The following CACNA1A variants were observed in gnomAD, a reference collection of about 807,000 sequenced individuals.
The protein encoded by CACNA1A is calcium voltage-gated channel subunit alpha1 A.
In CACNA1A, 57 loss-of-function variants were observed where a neutral mutation model predicts 262.4. That is an observed-to-expected ratio of 0.22 (90% confidence interval 0.18 to 0.27). The LOEUF is 0.27. Ranked by LOEUF, CACNA1A falls within the 10% of genes least tolerant of loss-of-function variation. CACNA1A has a pLI of 1.00. For synonymous variants in CACNA1A, 1,431 were observed against 1,419.3 expected, an observed-to-expected ratio of 1.01 and a Z score of -0.18; for missense variants, 2,526 against 3,562.8, an observed-to-expected ratio of 0.71 and a Z score of 7.41.
At chr19:13,277,233 G>A in intron 22 of CACNA1A, 105 bp from the exon 23 acceptor site, 3 of 755,554 alleles carry the variant, frequency 4.0e-6, no homozygotes, top group Non-Finnish European at 6.9e-6. Flanking sequence ...CTACCCAGAA[G>A]AGGAAACACA....
intron 37 of CACNA1A, 35 bp from the exon 38 acceptor site, chr19:13,224,807 AGGCATCCCTCCT>A (rs1208802209): frequency 6.6e-7 from 1 of 1,517,536 alleles, no homozygotes; most frequent in East Asian, 2.4e-5. Flanking sequence ...AGTCATTCCC[AGGCATCCCTCCT>A]GGGTCTCCCG....
intron 30 of CACNA1A, among the ~76,000 whole-genome samples, chr19:13,246,333 G>A (rs1019376227): frequency 7.2e-5 from 11 of 152,180 alleles, no homozygotes; most frequent in Admixed American, 6.5e-5. Flanking sequence ...GTGCAGTGAT[G>A]TGCTGTGTGT....
intron 30 of CACNA1A, among the ~76,000 whole-genome samples, chr19:13,247,866 A>G (rs990322459): frequency 1.3e-5 from 2 of 152,078 alleles, no homozygotes; most frequent in Admixed American, 1.3e-4. Flanking sequence ...TGGCTGCACA[A>G]GTGTTAGGGA....
chr19:13,456,424 G>A (rs2061007868), intron 1 of CACNA1A, among the ~76,000 whole-genome samples: 1 of 152,148 alleles, frequency 6.6e-6, no homozygotes, highest in Non-Finnish European at 1.5e-5. Flanking sequence ...TGTAATCCCA[G>A]AACTTTGGGA....
chr19:13,339,774 T>TA (rs200259831), intron 6 of CACNA1A, among the ~76,000 whole-genome samples: 5,446 of 138,984 alleles, frequency 0.039, 292 homozygotes, highest in African/African-American at 0.13. Context: ...TGCCATGGAT[T>TA]AAAAAAAAAA....
Position 13,275,887 on chromosome 19 carries a change from T to C in CACNA1A, c.3952A>G (p.Ile1318Val), listed in dbSNP as rs750546484. The change falls in exon 24 of 47, where the codon ATA becomes GTA. Residue 1318 changes from isoleucine to valine, a missense_variant. Ile to Val is a conservative substitution (Grantham distance 29, BLOSUM62 3). This residue lies in a region of CACNA1A where 137 missense variants were observed against 377.7 expected (regional missense o/e 0.36). Coordinates refer to ENST00000360228, the MANE Select transcript of CACNA1A (RefSeq NM_001127222.2). ...GCTACCAGGGCCCCACTGACCACTA[T>C]GAAGTCGAGAATATTCCAGAGGTCA... ...FRDLWNILDF[I>V]VVSGALVAFA... 1.9e-6 allele frequency: 3 copies of C among 1,613,844 alleles called. No individual in the cohort carries two copies. The highest frequency in any genetic ancestry group is 2.5e-6 in the Non-Finnish European group (3 of 1,179,792).
At chr19:13,489,793 C>T (rs1980535565) in intron 1 of CACNA1A, among the ~76,000 whole-genome samples, 1 of 152,204 alleles carries the variant, frequency 6.6e-6, no homozygotes. Flanking sequence ...CAGCCCCTGA[C>T]TTCTCCTACT....
Position 13,411,512 on chromosome 19 carries a change from C to CT in CACNA1A, c.540-39734dup, listed in dbSNP as rs201360510. ...CATGCCTTTACTTCTCCTTTGCCTTCTGCCATGGTTGTGAGGCCTCCCCAG... is the reference window on the plus strand; with the variant it reads ...CATGCCTTTACTTCTCCTTTGCCTTCTTGCCATGGTTGTGAGGCCTCCCCAG... On this transcript the variant is annotated intron_variant, in intron 3 of 46. Coordinates refer to ENST00000360228, the MANE Select transcript of CACNA1A (RefSeq NM_001127222.2). Among the ~76,000 whole-genome samples, 270 of 152,336 alleles carry CT rather than the reference C, an allele frequency of 1.8e-3. No homozygotes were observed. In the East Asian group the frequency reaches 0.029, roughly 16 times the overall value.
chr19:13,428,945 A>G (rs2060451667), intron 3 of CACNA1A, among the ~76,000 whole-genome samples: 1 of 152,008 alleles, frequency 6.6e-6, no homozygotes. Flanking sequence ...GGCCTTGAGG[A>G]CGGCACAGGT....
At chr19:13,374,476 C>G (rs1351029704) in intron 3 of CACNA1A, among the ~76,000 whole-genome samples, 1 of 152,150 alleles carries the variant, frequency 6.6e-6, no homozygotes, top group Non-Finnish European at 1.5e-5. Flanking sequence ...TCTAGAACTC[C>G]TGGCCTCAAG....
Position 13,254,581 on chromosome 19 carries a change from C to T in CACNA1A, c.4755+514G>A, listed in dbSNP as rs566851561. Among the ~76,000 whole-genome samples the T allele has an allele frequency of 5.3e-5, 8 of 152,176 alleles. No homozygotes were observed. The East Asian group carries it at 9.7e-4, about 18-fold the overall frequency. On this transcript the variant is annotated intron_variant, in intron 29 of 46. Coordinates refer to ENST00000360228, the MANE Select transcript of CACNA1A (RefSeq NM_001127222.2). ...TTCTCCGTGTTGGTCAGGCTGGTCT[C>T]GAACTCGTGACCTCAGGTGATCCGC... is the stretch of plus-strand genomic sequence containing the variant.
At chr19:13,467,717 G>C (rs1421090406) in intron 1 of CACNA1A, among the ~76,000 whole-genome samples, 1 of 151,050 alleles carries the variant, frequency 6.6e-6, no homozygotes, top group African/African-American at 2.4e-5. Context: ...TGATTCTCCT[G>C]TCTCATCCTC....
chr19:13,223,448 C>A (rs1389865698), intron 38 of CACNA1A, among the ~76,000 whole-genome samples: 1 of 152,136 alleles, frequency 6.6e-6, no homozygotes, highest in Non-Finnish European at 1.5e-5. Context: ...CTTGGCCTCC[C>A]AAAGTGCTGA....
intron 3 of CACNA1A, among the ~76,000 whole-genome samples, chr19:13,405,107 G>C (rs2059979292): frequency 6.6e-6 from 1 of 152,048 alleles, no homozygotes; most frequent in Non-Finnish European, 1.5e-5. Flanking sequence ...TGTTGGCCAG[G>C]CTGGTCTCAA....
chr19:13,291,258 C>G (rs12608501), intron 19 of CACNA1A, among the ~76,000 whole-genome samples: 3 of 152,130 alleles, frequency 2.0e-5, no homozygotes, highest in Admixed American at 2.0e-4. Context: ...CACACTCAGA[C>G]CCTGAGATCG....
rs2054848687 is a variant in CACNA1A at position 13,212,424 on chromosome 19, C to A, written c.6149G>T (p.Gly2050Val). The A allele has an allele frequency of 6.2e-7, 1 of 1,613,162 alleles. No homozygotes were observed. The highest frequency in any genetic ancestry group is 8.5e-7 in the Non-Finnish European group (1 of 1,179,602). The change falls in exon 42 of 47, where the codon GGC becomes GTC. Residue 2050 changes from glycine (G) to valine (V), a missense_variant. Transcript: ENST00000360228. The surrounding 1 kb of genome is among the most constrained non-coding windows in gnomAD (Gnocchi z 5.6). The part of the protein sequence containing the change: ...QKTGTWSPEQ[G>V]PPTDMPNSQP... ...GCTGTTGGGCATGTCGGTAGGGGGG[C>A]CTTGTTCCGGACTCCATGTGCCCGT... is the stretch of plus-strand genomic sequence containing the variant.
intron 36 of CACNA1A, chr19:13,228,973 G>C (rs1473086525): frequency 2.5e-6 from 1 of 400,490 alleles, no homozygotes; most frequent in African/African-American, 2.2e-5. Context: ...CAGGGGTGTA[G>C]GATGTCAGTC....
intron 1 of CACNA1A, among the ~76,000 whole-genome samples, chr19:13,501,197 A>ATT (rs33960261): frequency 1.2e-3 from 174 of 149,168 alleles, no homozygotes; most frequent in Middle Eastern, 3.5e-3. Flanking sequence ...CAATAAATCT[A>ATT]TTTTTTTTTT....
intron 1 of CACNA1A, among the ~76,000 whole-genome samples, chr19:13,486,443 C>T (rs1003013330): frequency 2.6e-5 from 4 of 151,136 alleles, no homozygotes; most frequent in Admixed American, 1.3e-4. Flanking sequence ...CAGTTAAAGA[C>T]TAAAAAAGAA....
Sources: gnomAD v4.1 joint callset for allele counts (sites outside exome capture counted in the v4.1 genomes callset) on GRCh38, gnomAD v4.1.1 for gene constraint, gnomAD v4.1.1 regional missense constraint, Gnocchi (gnomAD v3.1) non-coding constraint, MANE v1.5 for transcripts, NCBI Gene and HGNC (gene_info 2026-07-23, HGNC 2026-07-21) for gene names.